Variants in CFAP91 observed in about 807,000 individuals in gnomAD.
CFAP91 encodes the protein cilia and flagella associated protein 91.
A neutral mutation model predicts 95.9 loss-of-function variants in CFAP91; 85 were observed. The observed-to-expected ratio is 0.89, with a 90% CI of 0.74 to 1.06. The LOEUF is 1.06. Among genes scored for constraint, CFAP91 ranks in the 50% least tolerant of loss-of-function variants. The pLI is 0.00. For synonymous variants in CFAP91, 335 were observed against 327.5 expected (o/e 1.02, Z -0.25); for missense variants, 962 against 943.4 (o/e 1.02, Z -0.26).
rs1165596219 is a variant in CFAP91 at position 119,716,009 on chromosome 3, A to G, written c.682+266A>G. ...CAGTTGCTTTGCTGACTACTCACCT[A>G]TGTCCTCTCATTTCTCTCTCCTAGT... On this transcript the variant is annotated intron_variant, in intron 6 of 17. Transcript: ENST00000273390. The G allele has an allele frequency of 3.3e-5, 19 of 572,080 alleles. 1 individual carries two copies. The highest frequency in any genetic ancestry group is 6.5e-5 in the Admixed American group (2 of 30,680). 35.4% of individuals were successfully genotyped at this position (572,080 alleles called of 1,614,324 possible).
chr3:119,715,601 C>G lies in CFAP91; in HGVS notation c.540C>G (p.His180Gln). 4 of 1,614,082 alleles carry G rather than the reference C, an allele frequency of 2.5e-6. No individual in the cohort carries two copies. Among genetic ancestry groups the G allele is most frequent in the Non-Finnish European group, 3.4e-6 (4 of 1,179,964 alleles). ...PYTFPPTSTK[H>Q]LSIPSKSTVG... ...CTTTTCCTCCTACTTCTACTAAGCACCTATCCATCCCTTCAAAGTCTACTG... is the reference window on the plus strand; with the variant it reads ...CTTTTCCTCCTACTTCTACTAAGCAGCTATCCATCCCTTCAAAGTCTACTG... The change falls in exon 6 of 18, where the codon CAC (histidine) becomes CAG (glutamine). Residue 180 changes from histidine to glutamine, a missense_variant. Physicochemically the swap from His to Gln is conservative, Grantham distance 24. Coordinates refer to ENST00000273390, the MANE Select transcript of CFAP91 (RefSeq NM_033364.4).
chr3:119,732,768 G>T (rs566296241), intron 9 of CFAP91, among the ~76,000 whole-genome samples: 1 of 152,120 alleles, frequency 6.6e-6, no homozygotes, highest in South Asian at 2.1e-4. Context: ...TTTATTCCAG[G>T]TTTATGAAGC....
Position 119,726,427 on chromosome 3 carries a change from C to T in CFAP91, c.860+79C>T. The stretch of plus-strand genomic sequence containing the variant: ...ATACTTTATATCTGCAAAGCATTCT[C>T]CCAAATGTATGGGTTGAAAAGCAAT... On this transcript the variant is annotated intron_variant, in intron 7 of 17. Transcript: ENST00000273390. 3 of 1,351,492 alleles carry T rather than the reference C, an allele frequency of 2.2e-6. No individual in the cohort carries two copies. In the South Asian group the frequency reaches 4.7e-5, roughly 21 times the overall value. 83.7% of individuals were successfully genotyped at this position (1,351,492 alleles called of 1,614,324 possible).
rs559485891 is a variant in CFAP91 at position 119,737,376 on chromosome 3, A to T, written c.1355A>T (p.Asp452Val). The T allele has an allele frequency of 2.5e-6, 4 of 1,584,128 alleles. 1 individual carries two copies. The South Asian group carries it at 3.5e-5, about 14-fold the overall frequency. ...ELAEVHKALLDKKNKVLEVKK... is the reference protein window; with the variant it reads ...ELAEVHKALLVKKNKVLEVKK... ...TTGGCATTATTTCAGGCACTGTTGG[A>T]TAAGAAGAATAAAGTTCTTGAAGTA... The change falls in exon 11 of 18, where the codon GAT becomes GTT. Residue 452 changes from aspartate to valine, a missense_variant. By Grantham distance (152) the Asp-to-Val change is radical. Coordinates refer to ENST00000273390, the MANE Select transcript of CFAP91 (RefSeq NM_033364.4).
chr3:119,711,034 A>G (rs1397584197), intron 5 of CFAP91, among the ~76,000 whole-genome samples: 3 of 152,360 alleles, frequency 2.0e-5, no homozygotes, highest in East Asian at 3.9e-4. Context: ...TTAAGGTCTC[A>G]TATTTCTGAA....
At chr3:119,750,760 A>G (rs1358109164) in intron 16 of CFAP91, 177 bp from the exon 17 acceptor site, 3 of 634,074 alleles carry the variant, frequency 4.7e-6, no homozygotes, top group Non-Finnish European at 8.2e-6. Context: ...CCTGGTGGAA[A>G]GGAGTATGAC....
intron 16 of CFAP91, among the ~76,000 whole-genome samples, chr3:119,749,383 G>A (rs939218371): frequency 6.6e-6 from 1 of 152,124 alleles, no homozygotes; most frequent in Non-Finnish European, 1.5e-5. Context: ...AATTAGCTAG[G>A]TGTGGTGGTA....
Position 119,706,647 on chromosome 3 carries a change from C to T in CFAP91, c.125-162C>T, listed in dbSNP as rs1035101438. The T allele has an allele frequency of 4.2e-5, 24 of 571,796 alleles. 1 individual carries two copies. The South Asian group carries it at 5.6e-4, about 13-fold the overall frequency. 35.4% of individuals were successfully genotyped at this position (571,796 alleles called of 1,614,324 possible). Reference sequence around the variant, plus strand: ...GTTGCTGGTAGAAGTGGTAGAGTAACAGGGCCACATGCACAACAGAGCATG... The same window carrying T: ...GTTGCTGGTAGAAGTGGTAGAGTAATAGGGCCACATGCACAACAGAGCATG... On this transcript the variant is annotated intron_variant, in intron 1 of 17. Coordinates refer to ENST00000273390, the MANE Select transcript of CFAP91 (RefSeq NM_033364.4).
chr3:119,715,984 C>G lies in CFAP91; in HGVS notation c.682+241C>G, dbSNP rs1004273465. ...GAAGCTGAATTTCAGCTTAATATTG[C>G]AGTTGCTTTGCTGACTACTCACCTA... On this transcript the variant is annotated intron_variant, in intron 6 of 17. Transcript: ENST00000273390. 6 of 594,268 alleles carry G rather than the reference C, an allele frequency of 1.0e-5. No homozygotes were observed. In the East Asian group the frequency reaches 1.7e-4, roughly 16 times the overall value. 36.8% of individuals were successfully genotyped at this position (594,268 alleles called of 1,614,324 possible). A position where few individuals can be genotyped will look rare whatever the true frequency, so the allele number is the denominator to read the frequency against.
intron 14 of CFAP91, 63 bp downstream of exon 14, chr3:119,744,259 G>A (rs1295930262): frequency 4.5e-6 from 6 of 1,321,424 alleles, no homozygotes; most frequent in Non-Finnish European, 5.2e-6. Context: ...ACCAAAGGAA[G>A]CTCATGACAT....
intron 17 of CFAP91, among the ~76,000 whole-genome samples, chr3:119,757,986 G>T (rs2054464404): frequency 6.6e-6 from 1 of 152,138 alleles, no homozygotes; most frequent in Non-Finnish European, 1.5e-5. Context: ...CAGTTCCATG[G>T]ACTTAACCAT....
chr3:119,750,875 A>G (rs2054311585), intron 16 of CFAP91, 62 bp from the exon 17 acceptor site: 1 of 1,585,410 alleles, frequency 6.3e-7, no homozygotes, highest in African/African-American at 1.3e-5. Flanking sequence ...CTCTCTTGAA[A>G]CATTTGGGAA....
chr3:119,747,828 C>G lies in CFAP91; in HGVS notation c.2069C>G (p.Ser690Ter), dbSNP rs745708273. The G allele has an allele frequency of 1.5e-5, 25 of 1,613,060 alleles. No individual in the cohort carries two copies. Among genetic ancestry groups the G allele is most frequent in the Non-Finnish European group, 2.1e-5 (25 of 1,179,570 alleles). Reference sequence around the variant, plus strand: ...TTTTTTAGCCGAACCTATCTTCAGTCAGAGGAGATTGTTGCTGAGTTGGTT... The same window carrying G: ...TTTTTTAGCCGAACCTATCTTCAGTGAGAGGAGATTGTTGCTGAGTTGGTT... ...EMESRRTYLQ[S>*]EEIVAELVYS... is the part of the protein sequence containing the mutation. Residue 690 changes from serine (S) to a stop codon, truncating the protein, a stop_gained, in exon 16 of 18, where the codon TCA becomes TGA. Transcript: ENST00000273390. LOFTEE classifies it high-confidence loss of function.
At chr3:119,742,502 G>A (rs2054141102) in intron 13 of CFAP91, among the ~76,000 whole-genome samples, 1 of 152,196 alleles carries the variant, frequency 6.6e-6, no homozygotes, top group South Asian at 2.1e-4. Context: ...TTCTTGCTGA[G>A]AGAAGAGGCT....
chr3:119,730,176 T>A, intron 7 of CFAP91, 44 bp from the exon 8 acceptor site: 1 of 1,587,716 alleles, frequency 6.3e-7, no homozygotes, highest in Non-Finnish European at 8.6e-7. Context: ...TGCCCTCTGT[T>A]TGAGATGCCA....
chr3:119,749,806 G>A (rs150620288), intron 16 of CFAP91, among the ~76,000 whole-genome samples: 1 of 152,242 alleles, frequency 6.6e-6, no homozygotes, highest in Non-Finnish European at 1.5e-5. Context: ...AGACGATTTT[G>A]AGGTATATCA....
At chr3:119,717,465 G>A (rs1362092826) in intron 6 of CFAP91, among the ~76,000 whole-genome samples, 2 of 151,794 alleles carry the variant, frequency 1.3e-5, no homozygotes, top group Non-Finnish European at 2.9e-5. Context: ...GTGGGACCCA[G>A]GACTCTAAGG....
At chr3:119,732,792 G>A (rs917207234) in intron 9 of CFAP91, among the ~76,000 whole-genome samples, 4 of 152,160 alleles carry the variant, frequency 2.6e-5, no homozygotes, top group Non-Finnish European at 1.5e-5. Context: ...CAAGAAATAT[G>A]TATAATGAAA....
intron 5 of CFAP91, among the ~76,000 whole-genome samples, chr3:119,712,480 A>G (rs1003157592): frequency 6.6e-6 from 1 of 152,230 alleles, no homozygotes; most frequent in South Asian, 2.1e-4. Flanking sequence ...ATAATGGTGC[A>G]GTAATATAAT....
Sources: allele counts gnomAD v4.1 joint callset (sites outside exome capture counted in the v4.1 genomes callset), GRCh38; gene constraint gnomAD v4.1.1; transcripts MANE v1.5; gene names NCBI Gene and HGNC (gene_info 2026-07-23, HGNC 2026-07-21).